ATG9B: variants seen among roughly 807,000 people sequenced by gnomAD.
ATG9B encodes autophagy related 9B, also known as autophagy-related protein 9B.
In ATG9B, 92 loss-of-function variants were observed where a neutral mutation model predicts 92.9. The observed-to-expected ratio is 0.99, with a 90% confidence interval of 0.84 to 1.18. The LOEUF is 1.18. ATG9B is among the 50% of genes most tolerant of loss of function. The pLI is 0.00. For missense variants in ATG9B, 1,344 were observed against 1,235.0 expected (o/e 1.09, Z -1.32); for synonymous variants, 599 against 551.4 (o/e 1.09, Z -1.21).
downstream of ATG9B, chr7:151,013,312 A>G: frequency 6.2e-7 from 1 of 1,614,054 alleles, no homozygotes; most frequent in Non-Finnish European, 8.5e-7. Flanking sequence ...GAGGTGCAGA[A>G]CGCCCAGCAG....
At chr7:151,016,969 G>C in intron 9 of ATG9B, 67 bp downstream of exon 9, 1 of 1,521,084 alleles carries the variant, frequency 6.6e-7, no homozygotes, top group Non-Finnish European at 8.9e-7. Context: ...GGTGAGCCTA[G>C]AGGGGAAGGG....
chr7:151,023,627 C>T (rs753331807), intron 2 of ATG9B, 60 bp downstream of exon 2: 14 of 1,610,618 alleles, frequency 8.7e-6, no homozygotes, highest in Non-Finnish European at 1.1e-5. Context: ...CTGCCAAGAA[C>T]AGTGCCAGCT....
Position 151,024,018 on chromosome 7 carries a change from C to A in ATG9B, c.406G>T (p.Asp136Tyr), listed in dbSNP as rs1322982930. 2 of 1,593,166 alleles carry A rather than the reference C, an allele frequency of 1.3e-6. No individual in the cohort carries two copies. The highest frequency in any genetic ancestry group is 1.7e-6 in the Non-Finnish European group (2 of 1,169,960). ...GGGCCTACCCGCAGCCCAGGAGAGT[C>A]CTGGGGGCACTGCTGTGAGGGAGTG... ...TPTPSQQCPQ[D>Y]SPGLRVGPLI... The change falls in exon 1 of 14, where the codon GAC (aspartate) becomes TAC (tyrosine). Residue 136 changes from aspartate to tyrosine, a missense_variant. Coordinates refer to ENST00000639579, the MANE Select transcript of ATG9B (RefSeq NM_001317056.2).
chr7:151,019,525 C>T, intron 5 of ATG9B, 151 bp from the exon 6 acceptor site: 2 of 1,087,902 alleles, frequency 1.8e-6, no homozygotes, highest in African/African-American at 1.6e-5. Flanking sequence ...TCCCCCTCTC[C>T]CACCTTTCTC....
chr7:151,013,693 C>T, downstream of ATG9B: 1 of 1,525,754 alleles, frequency 6.6e-7, no homozygotes, highest in Non-Finnish European at 8.9e-7. Flanking sequence ...CCACCCCCAC[C>T]AGGGCCCGCC....
rs1466170772 is a variant in ATG9B, at chr7:151,023,901, G to T, written c.523C>A (p.Leu175Met). The change falls in exon 1 of 14, where the codon CTG becomes ATG. Residue 175 changes from leucine (L) to methionine (M), a missense_variant. By Grantham distance (15) the Leu-to-Met change is conservative. Transcript: ENST00000639579. ...CGGAGCCCTTCAGGGACATGAAGCA[G>T]GGGTTGCTGCTCCTCCCCGTGGATG... ...SPIHGEEQQPLLHVPEGLRGS... is the reference protein window; with the variant it reads ...SPIHGEEQQPMLHVPEGLRGS... The T allele has an allele frequency of 6.2e-7, 1 of 1,608,402 alleles. No homozygotes were observed. The highest frequency in any genetic ancestry group is 2.2e-5 in the East Asian group (1 of 44,524).
chr7:151,012,443 A>C, downstream of ATG9B: 2 of 1,611,876 alleles, frequency 1.2e-6, no homozygotes, highest in Non-Finnish European at 1.7e-6. Flanking sequence ...GGATTCTGGC[A>C]GGAGCGGCTG....
downstream of ATG9B, chr7:151,012,527 A>C: frequency 6.4e-7 from 1 of 1,570,868 alleles, no homozygotes; most frequent in South Asian, 1.1e-5. Flanking sequence ...CTAGGGACAG[A>C]GGGGTGGGGC....
In ATG9B at chr7:151,024,317, G is replaced by A. The variant is rs777003526; in HGVS notation, c.107C>T (p.Pro36Leu). 2 of 1,431,320 alleles carry A rather than the reference G, an allele frequency of 1.4e-6. No homozygotes were observed. The highest frequency in any genetic ancestry group is 1.8e-6 in the Non-Finnish European group (2 of 1,088,956). The allele number at this position is 1,431,320 out of a possible 1,614,324, so 88.7% of individuals were successfully genotyped here. A position where few individuals can be genotyped will look rare whatever the true frequency, so the allele number is the denominator to read the frequency against. ...PLLPMPLPPP[P>L]PPSCRGPGGG... Reference sequence around the variant, plus strand: ...CCCAGGTCCCCGGCATGAAGGAGGAGGAGGAGGTGGCAGTGGCATGGGGAG... The same window carrying A: ...CCCAGGTCCCCGGCATGAAGGAGGAAGAGGAGGTGGCAGTGGCATGGGGAG... Residue 36 changes from proline to leucine, a missense_variant, in exon 1 of 14, where the codon CCT becomes CTT. By Grantham distance (98) the Pro-to-Leu change is moderately conservative. Coordinates refer to ENST00000639579, the MANE Select transcript of ATG9B (RefSeq NM_001317056.2).
In ATG9B at chr7:151,018,859, G is replaced by T; in HGVS notation, c.1479C>A (p.Asn493Lys). 1.5e-6 allele frequency: 2 copies of T among 1,329,424 alleles called. No individual in the cohort carries two copies. Among genetic ancestry groups the T allele is most frequent in the Non-Finnish European group, 9.6e-7 (1 of 1,044,588 alleles). 82.4% of individuals were successfully genotyped at this position (1,329,424 alleles called of 1,614,324 possible). Residue 493 changes from asparagine to lysine, a missense_variant, in exon 6 of 14, where the codon AAC becomes AAA. Coordinates refer to ENST00000639579, the MANE Select transcript of ATG9B (RefSeq NM_001317056.2). This position sits in a 1 kb window ranked among gnomAD's most constrained non-coding sequence, Gnocchi z 4.7. ...GCGCGCGCAGCTCGTGCGGCAGCTC[G>T]TTGAAGTGGCGCAGCTGCAAGCGCG... The part of the protein sequence containing the change: ...RLARLQLRHF[N>K]ELPHELRARL...
In ATG9B at chr7:151,016,020, G is replaced by C. The variant is rs1284099834; in HGVS notation, c.2651C>G (p.Ser884Cys). ...TTGTCTGGGGCTAGAGGCAGGACTG[G>C]AGCCTGGTGAAAAAGGCCATCAGCT... ...EEKPSWSSDG[S>C]SPASSPRQQW... The change falls in exon 13 of 14, where the codon TCC becomes TGC. Residue 884 changes from serine to cysteine, a missense_variant. Physicochemically the swap from Ser to Cys is moderately radical, Grantham distance 112. Coordinates refer to ENST00000639579, the MANE Select transcript of ATG9B (RefSeq NM_001317056.2). 1.9e-6 allele frequency: 3 copies of C among 1,551,310 alleles called. No individual in the cohort carries two copies. In the African/African-American group the frequency reaches 4.1e-5, roughly 21 times the overall value.
At chr7:151,017,392 A>G in intron 8 of ATG9B, 120 bp from the exon 9 acceptor site, 4 of 978,870 alleles carry the variant, frequency 4.1e-6, no homozygotes, top group Non-Finnish European at 6.0e-6. Flanking sequence ...GGACTTGTTC[A>G]CCATCACCCA....
At chr7:151,023,822 C>T in intron 1 of ATG9B, 52 bp downstream of exon 1, 4 of 1,610,302 alleles carry the variant, frequency 2.5e-6, no homozygotes, top group Non-Finnish European at 3.4e-6. Flanking sequence ...GGGATAAGTA[C>T]TGGAGCTCCC....
chr7:151,023,983 A>C lies in ATG9B; in HGVS notation c.441T>G (p.Pro147=), dbSNP rs1175941656. 6.3e-7 allele frequency: 1 copy of C among 1,592,556 alleles called. No individual in the cohort carries two copies. Among genetic ancestry groups the C allele is most frequent in the Non-Finnish European group, 8.6e-7 (1 of 1,169,462 alleles). ...CCTCCAGCCGCTCATAATCCTGTTC[A>C]GGGATCAAAGGGCCTACCCGCAGCC... ...SPGLRVGPLI[P]EQDYERLEDC... is the part of the protein sequence containing the mutation. The change falls in exon 1 of 14, where the codon CCT becomes CCG. Residue 147 remains proline, a synonymous_variant. Transcript: ENST00000639579.
At chr7:151,013,951 GGGTTCCTGCTAA>G, downstream of ATG9B, 1 of 1,604,184 alleles carries the variant, frequency 6.2e-7, no homozygotes, top group Non-Finnish European at 8.5e-7. Flanking sequence ...TGAGCGTGCG[GGGTTCCTGCTAA>G]GGTCTCCGAG....
In ATG9B at chr7:151,024,022, G is replaced by A. The variant is rs1222743834; in HGVS notation, c.402C>T (p.Pro134=). 6.3e-7 allele frequency: 1 copy of A among 1,593,186 alleles called. No homozygotes were observed. Among genetic ancestry groups the A allele is most frequent in the Non-Finnish European group, 8.5e-7 (1 of 1,169,882 alleles). Residue 134 remains proline (P), a synonymous_variant, in exon 1 of 14, where the codon CCC becomes CCT. Coordinates refer to ENST00000639579, the MANE Select transcript of ATG9B (RefSeq NM_001317056.2). The part of the protein sequence containing the change: ...PATPTPSQQC[P]QDSPGLRVGP... ...CTACCCGCAGCCCAGGAGAGTCCTGGGGGCACTGCTGTGAGGGAGTGGGGG... is the reference window on the plus strand; with the variant it reads ...CTACCCGCAGCCCAGGAGAGTCCTGAGGGCACTGCTGTGAGGGAGTGGGGG...
downstream of ATG9B, chr7:151,013,736 G>T (rs769519431): frequency 1.2e-6 from 2 of 1,608,062 alleles, no homozygotes; most frequent in African/African-American, 1.3e-5. Flanking sequence ...CTACGTGCAG[G>T]ACATCCTGAG....
Position 151,017,024 on chromosome 7 carries a change from C to T in ATG9B, c.2289+12G>A, listed in dbSNP as rs1436113076. 6.3e-7 allele frequency: 1 copy of T among 1,575,898 alleles called. No homozygotes were observed. On this transcript the variant is annotated intron_variant, in intron 9 of 13. Transcript: ENST00000639579. ...GGTGAAGGCAGAAGGGGAGGCCAGG[C>T]TTGGGACTCACCAGGGGCGAGGTGC...
At chr7:151,020,675 C>A (rs761870738) in intron 5 of ATG9B, among the ~76,000 whole-genome samples, 1 of 152,218 alleles carries the variant, frequency 6.6e-6, no homozygotes, top group Non-Finnish European at 1.5e-5. Flanking sequence ...AGAGCATAAG[C>A]AGTGGACAGT....
Sources: gnomAD v4.1 joint callset for allele counts (sites outside exome capture counted in the v4.1 genomes callset) on GRCh38, gnomAD v4.1.1 for gene constraint, Gnocchi (gnomAD v3.1) non-coding constraint, MANE v1.5 for transcripts, NCBI Gene and HGNC (gene_info 2026-07-23, HGNC 2026-07-21) for gene names.